KCTD12: variants seen among roughly 807,000 people sequenced by gnomAD.
KCTD12 encodes the protein potassium channel tetramerization domain containing 12, also known as BTB/POZ domain-containing protein KCTD12.
KCTD12 carries 16 observed loss-of-function variants against 22.6 expected under a neutral mutation model. The ratio of observed to expected loss-of-function variants is 0.71; its 90% CI spans 0.48 to 1.07. The LOEUF is 1.07. Among genes scored for constraint, KCTD12 ranks in the 50% least tolerant of loss-of-function variants. KCTD12 has a pLI of 0.00. For synonymous variants in KCTD12, 260 were observed against 228.0 expected (o/e 1.14, Z -1.26); for missense variants, 452 against 469.2 (o/e 0.96, Z 0.34).
rs2033242963 is a variant in KCTD12, at chr13:76,884,830, C to A, written c.*341G>T. 7.1e-6 allele frequency: 2 copies of A among 281,776 alleles called. No individual in the cohort carries two copies. The highest frequency in any genetic ancestry group is 6.8e-6 in the Non-Finnish European group (1 of 146,788). The allele number at this position is 281,776 out of a possible 1,614,324, so 17.5% of individuals were successfully genotyped here. On this transcript the variant is annotated 3_prime_UTR_variant, in exon 1 of 1. Coordinates refer to ENST00000377474, the MANE Select transcript of KCTD12 (RefSeq NM_138444.4). ...AATTCAATCATCCCCCGGTCTGTGG[C>A]CACACTCCCCCAATAGATCCAAACT...
rs779402541 is a variant in KCTD12, at chr13:76,885,249, G to A, written c.900C>T (p.Cys300=). The stretch of plus-strand genomic sequence containing the variant: ...TCTGGTCGGTGCTGCTGGCAAAGGC[G>A]CAGGTGCCCGTGGAGCTGCACGCCA... ...HMVACSSTGT[C]AFASSTDQSE... is the part of the protein sequence containing the mutation. Residue 300 remains cysteine (C), a synonymous_variant, in exon 1 of 1, where the codon TGC becomes TGT. Transcript: ENST00000377474. This position sits in a 1 kb window ranked among gnomAD's most constrained non-coding sequence, Gnocchi z 5.1. 2.5e-6 allele frequency: 4 copies of A among 1,614,048 alleles called. No homozygotes were observed. The highest frequency in any genetic ancestry group is 3.4e-6 in the Non-Finnish European group (4 of 1,180,002).
rs947328540 is a variant in KCTD12 at position 76,880,720 on chromosome 13, T to C, written c.*4451A>G. The C allele has an allele frequency of 5.2e-5, 8 of 152,630 alleles. No homozygotes were observed. The highest frequency in any genetic ancestry group is 2.6e-4 in the Admixed American group (4 of 15,288). The allele number at this position is 152,630 out of a possible 1,614,324, so 9.5% of individuals were successfully genotyped here. ...AATTGTCATTTGTATTCAATAGTAA[T>C]AGCAAAATTTACCTGCCTATAAAGT... On this transcript the variant is annotated 3_prime_UTR_variant, in exon 1 of 1. Coordinates refer to ENST00000377474, the MANE Select transcript of KCTD12 (RefSeq NM_138444.4).
rs2137702226 is a variant in KCTD12, at chr13:76,884,338, G to A, written c.*833C>T. ...GACCTGAGCAGCCTTGCACTCTTAG[G>A]CGGCAGCGTCCTTTCTCCCTCTTGC... On this transcript the variant is annotated 3_prime_UTR_variant, in exon 1 of 1. Transcript: ENST00000377474. The A allele has an allele frequency of 6.6e-6, 1 of 152,306 alleles. No homozygotes were observed. Among genetic ancestry groups the A allele is most frequent in the South Asian group, 2.1e-4 (1 of 4,820 alleles). 9.4% of individuals were successfully genotyped at this position (152,306 alleles called of 1,614,324 possible). A position where few individuals can be genotyped will look rare whatever the true frequency, so the allele number is the denominator to read the frequency against.
rs781436981 is a variant in KCTD12 at position 76,885,282 on chromosome 13, G to C, written c.867C>G (p.Phe289Leu). The change falls in exon 1 of 1, where the codon TTC (phenylalanine) becomes TTG (leucine). Residue 289 changes from phenylalanine (F) to leucine (L), a missense_variant. Phe to Leu is a conservative substitution (Grantham distance 22). Transcript: ENST00000377474. This position sits in a 1 kb window ranked among gnomAD's most constrained non-coding sequence, Gnocchi z 5.1. ...QAFDKLSESG[F>L]HMVACSSTGT... is the part of the protein sequence containing the mutation. ...CCGTGGAGCTGCACGCCACCATGTGGAAGCCCGACTCGGACAGCTTGTCGA... is the reference window on the plus strand; with the variant it reads ...CCGTGGAGCTGCACGCCACCATGTGCAAGCCCGACTCGGACAGCTTGTCGA... The C allele has an allele frequency of 1.2e-6, 2 of 1,613,936 alleles. No homozygotes were observed. Among genetic ancestry groups the C allele is most frequent in the African/African-American group, 2.7e-5 (2 of 74,930 alleles).
Position 76,886,199 on chromosome 13 carries a change from A to T in KCTD12, c.-51T>A. ...AGTGGCAGGAAGCCGCGCTGCACTC[A>T]GGAGCTGCAACCGCCTTCCCCGGAG... is the stretch of plus-strand genomic sequence containing the variant. On this transcript the variant is annotated 5_prime_UTR_variant, in exon 1 of 1. Coordinates refer to ENST00000377474, the MANE Select transcript of KCTD12 (RefSeq NM_138444.4). The T allele has an allele frequency of 7.1e-7, 1 of 1,399,388 alleles. No homozygotes were observed. 86.7% of individuals were successfully genotyped at this position (1,399,388 alleles called of 1,614,324 possible).
At position 76,885,468 on chromosome 13, in the gene KCTD12, G is replaced by C. The variant is rs776326691; in HGVS notation, c.681C>G (p.Asp227Glu). ...TGCGCGCCACTCGCCGGAACTTGGC[G>C]TCCGCCTGCGCGTCCCGCCCGATGG... ...SYTIGRDAQA[D>E]AKFRRVARIT... Residue 227 changes from aspartate to glutamate, a missense_variant, in exon 1 of 1, where the codon GAC becomes GAG. This residue lies in a region of KCTD12 where 122 missense variants were observed against 172.8 expected (regional missense o/e 0.71). Coordinates refer to ENST00000377474, the MANE Select transcript of KCTD12 (RefSeq NM_138444.4). The surrounding 1 kb of genome is among the most constrained non-coding windows in gnomAD (Gnocchi z 5.1). 6.2e-7 allele frequency: 1 copy of C among 1,609,338 alleles called. No homozygotes were observed. Among genetic ancestry groups the C allele is most frequent in the Non-Finnish European group, 8.5e-7 (1 of 1,179,590 alleles).
In KCTD12 at chr13:76,886,282, GCCGCCACCGCCA is replaced by G; in HGVS notation, c.-146_-135del. 1 of 1,092,660 alleles carries G rather than the reference GCCGCCACCGCCA, an allele frequency of 9.2e-7. No homozygotes were observed. The highest frequency in any genetic ancestry group is 1.2e-6 in the Non-Finnish European group (1 of 848,520). 67.7% of individuals were successfully genotyped at this position (1,092,660 alleles called of 1,614,324 possible). A position where few individuals can be genotyped will look rare whatever the true frequency, so the allele number is the denominator to read the frequency against. On this transcript the variant is annotated 5_prime_UTR_variant, in exon 1 of 1. Transcript: ENST00000377474. ...CCCCGCCGCCGCCGCCGCCGCCACC[GCCGCCACCGCCA>G]CCGCCGCCACCTCCTAGAGCCGCGC...
In KCTD12 at chr13:76,883,038, C is replaced by T. The variant is rs2033221254; in HGVS notation, c.*2133G>A. On this transcript the variant is annotated 3_prime_UTR_variant, in exon 1 of 1. Coordinates refer to ENST00000377474, the MANE Select transcript of KCTD12 (RefSeq NM_138444.4). ...TACAATTATGTATTTTTTCCTAACC[C>T]AATTCCTCGATAAGGATGTAAGAAA... is the stretch of plus-strand genomic sequence containing the variant. 2 of 152,136 alleles carry T rather than the reference C, an allele frequency of 1.3e-5. No homozygotes were observed. The highest frequency in any genetic ancestry group is 4.1e-4 in the South Asian group (2 of 4,832). The allele number at this position is 152,136 out of a possible 1,614,324, so 9.4% of individuals were successfully genotyped here. A position where few individuals can be genotyped will look rare whatever the true frequency, so the allele number is the denominator to read the frequency against.
Position 76,885,325 on chromosome 13 carries a change from T to C in KCTD12, c.824A>G (p.Asn275Ser). 1 of 1,613,906 alleles carries C rather than the reference T, an allele frequency of 6.2e-7. No homozygotes were observed. Among genetic ancestry groups the C allele is most frequent in the Non-Finnish European group, 8.5e-7 (1 of 1,179,952 alleles). ...RYTSRYYLKFNFLEQAFDKLS... is the reference protein window; with the variant it reads ...RYTSRYYLKFSFLEQAFDKLS... ...CTTGTCGAAGGCCTGCTCCAGGAAG[T>C]TGAACTTGAGGTAATAGCGCGAGGT... The change falls in exon 1 of 1, where the codon AAC becomes AGC. Residue 275 changes from asparagine to serine, a missense_variant. Physicochemically the swap from Asn to Ser is conservative, Grantham distance 46. Coordinates refer to ENST00000377474, the MANE Select transcript of KCTD12 (RefSeq NM_138444.4). The surrounding 1 kb of genome is among the most constrained non-coding windows in gnomAD (Gnocchi z 5.1).
rs1364308738 is a variant in KCTD12 at position 76,880,264 on chromosome 13, G to T, written c.*4907C>A. 1.3e-5 allele frequency: 2 copies of T among 152,626 alleles called. No individual in the cohort carries two copies. The highest frequency in any genetic ancestry group is 3.8e-4 in the East Asian group (2 of 5,200). The allele number at this position is 152,626 out of a possible 1,614,324, so 9.5% of individuals were successfully genotyped here. A position where few individuals can be genotyped will look rare whatever the true frequency, so the allele number is the denominator to read the frequency against. On this transcript the variant is annotated 3_prime_UTR_variant, in exon 1 of 1. Coordinates refer to ENST00000377474, the MANE Select transcript of KCTD12 (RefSeq NM_138444.4). ...GATTCATTACTTCACACACAGGAAG[G>T]AAAACAGTAGCTAGTATTTCTGTTA...
Position 76,883,350 on chromosome 13 carries a change from G to C in KCTD12, c.*1821C>G, listed in dbSNP as rs1001317083. 6.6e-6 allele frequency: 1 copy of C among 152,438 alleles called. No homozygotes were observed. The highest frequency in any genetic ancestry group is 1.5e-5 in the Non-Finnish European group (1 of 68,008). 9.4% of individuals were successfully genotyped at this position (152,438 alleles called of 1,614,324 possible). Reference sequence around the variant, plus strand: ...CAGCTCTTACAAAATCCTTAAAAACGTACATCAGAGAAAGATGCTGAAAAC... The same window carrying C: ...CAGCTCTTACAAAATCCTTAAAAACCTACATCAGAGAAAGATGCTGAAAAC... On this transcript the variant is annotated 3_prime_UTR_variant, in exon 1 of 1. Transcript: ENST00000377474.
Position 76,885,944 on chromosome 13 carries a change from G to C in KCTD12, c.205C>G (p.Pro69Ala). ...TTGCTGTCCCGGGCCAGCTCCTGCG[G>C]CTGCTGCTGCGTGAACATGCGCCAG... The part of the protein sequence containing the change: ...LLWRMFTQQQ[P>A]QELARDSKGR... The change falls in exon 1 of 1, where the codon CCG becomes GCG. Residue 69 changes from proline (P) to alanine (A), a missense_variant. This residue lies in a region of KCTD12 where 330 missense variants were observed against 296.5 expected (regional missense o/e 1.11). Coordinates refer to ENST00000377474, the MANE Select transcript of KCTD12 (RefSeq NM_138444.4). This position sits in a 1 kb window ranked among gnomAD's most constrained non-coding sequence, Gnocchi z 5.1. 1.3e-6 allele frequency: 2 copies of C among 1,591,058 alleles called. No homozygotes were observed. The highest frequency in any genetic ancestry group is 1.7e-6 in the Non-Finnish European group (2 of 1,176,388).
At position 76,882,649 on chromosome 13, in the gene KCTD12, G is replaced by A. The variant is rs1166835259; in HGVS notation, c.*2522C>T. The A allele has an allele frequency of 2.0e-5, 3 of 152,172 alleles. No homozygotes were observed. The highest frequency in any genetic ancestry group is 4.8e-5 in the African/African-American group (2 of 41,430). The allele number at this position is 152,172 out of a possible 1,614,324, so 9.4% of individuals were successfully genotyped here. ...ACAATCTAACAAAATACCATACGGG[G>A]TAGAGAAATCTCTGCAACACTGACT... On this transcript the variant is annotated 3_prime_UTR_variant, in exon 1 of 1. Coordinates refer to ENST00000377474, the MANE Select transcript of KCTD12 (RefSeq NM_138444.4).
rs559408090 is a variant in KCTD12 at position 76,882,576 on chromosome 13, T to C, written c.*2595A>G. The C allele has an allele frequency of 5.3e-5, 8 of 152,238 alleles. No homozygotes were observed. The highest frequency in any genetic ancestry group is 1.0e-4 in the Non-Finnish European group (7 of 68,042). The allele number at this position is 152,238 out of a possible 1,614,324, so 9.4% of individuals were successfully genotyped here. ...ATCGCCGAGCCTTGCCATCTGTCAG[T>C]GGTTTTGGTCTGTCCCAAGATGTTC... On this transcript the variant is annotated 3_prime_UTR_variant, in exon 1 of 1. Coordinates refer to ENST00000377474, the MANE Select transcript of KCTD12 (RefSeq NM_138444.4).
rs1014346173 is a variant in KCTD12, at chr13:76,880,760, T to C, written c.*4411A>G. The C allele has an allele frequency of 6.6e-6, 1 of 152,400 alleles. No individual in the cohort carries two copies. The highest frequency in any genetic ancestry group is 1.5e-5 in the Non-Finnish European group (1 of 68,010). 9.4% of individuals were successfully genotyped at this position (152,400 alleles called of 1,614,324 possible). On this transcript the variant is annotated 3_prime_UTR_variant, in exon 1 of 1. Transcript: ENST00000377474. ...GCCTATAAAGTCGCAAAAACAGTTG[T>C]ATAATAGTTTACATTACAATTAATG...
At position 76,885,017 on chromosome 13, in the gene KCTD12, G is replaced by C. The variant is rs568045708; in HGVS notation, c.*154C>G. 5.2e-6 allele frequency: 4 copies of C among 776,182 alleles called. No homozygotes were observed. In the African/African-American group the frequency reaches 6.9e-5, roughly 13 times the overall value. The allele number at this position is 776,182 out of a possible 1,614,324, so 48.1% of individuals were successfully genotyped here. A position where few individuals can be genotyped will look rare whatever the true frequency, so the allele number is the denominator to read the frequency against. ...TTGCGGCTGCAGGTTCTGTAGTGGAGGGAAGGTGGGCGGACAGGTCTCACC... is the reference window on the plus strand; with the variant it reads ...TTGCGGCTGCAGGTTCTGTAGTGGACGGAAGGTGGGCGGACAGGTCTCACC... On this transcript the variant is annotated 3_prime_UTR_variant, in exon 1 of 1. Coordinates refer to ENST00000377474, the MANE Select transcript of KCTD12 (RefSeq NM_138444.4). This position sits in a 1 kb window ranked among gnomAD's most constrained non-coding sequence, Gnocchi z 5.1.
rs572053622 is a variant in KCTD12, at chr13:76,881,998, T to C, written c.*3173A>G. On this transcript the variant is annotated 3_prime_UTR_variant, in exon 1 of 1. Transcript: ENST00000377474. The stretch of plus-strand genomic sequence containing the variant: ...AATCAGATTCATGCAGTGTTAATTA[T>C]CTGAATAATTTATGACATTCTCCCA... The C allele has an allele frequency of 1.3e-5, 2 of 152,342 alleles. No homozygotes were observed. The highest frequency in any genetic ancestry group is 3.9e-4 in the East Asian group (2 of 5,178). 9.4% of individuals were successfully genotyped at this position (152,342 alleles called of 1,614,324 possible).
At position 76,881,195 on chromosome 13, in the gene KCTD12, C is replaced by T. The variant is rs930671786; in HGVS notation, c.*3976G>A. 5.3e-5 allele frequency: 8 copies of T among 151,984 alleles called. No individual in the cohort carries two copies. The highest frequency in any genetic ancestry group is 1.9e-4 in the African/African-American group (8 of 41,374). The allele number at this position is 151,984 out of a possible 1,614,324, so 9.4% of individuals were successfully genotyped here. ...GGAAAAACAGGAAAACAATTCCAAA[C>T]GAAGGATTGACTCTGATAGGCTTAC... is the stretch of plus-strand genomic sequence containing the variant. On this transcript the variant is annotated 3_prime_UTR_variant, in exon 1 of 1. Transcript: ENST00000377474.
At position 76,886,023 on chromosome 13, in the gene KCTD12, G is replaced by T; in HGVS notation, c.126C>A (p.Gly42=). The T allele has an allele frequency of 6.3e-7, 1 of 1,589,438 alleles. No individual in the cohort carries two copies. Among genetic ancestry groups the T allele is most frequent in the Non-Finnish European group, 8.5e-7 (1 of 1,172,326 alleles). Residue 42 remains glycine (G), a synonymous_variant, in exon 1 of 1, where the codon GGC becomes GGA. Coordinates refer to ENST00000377474, the MANE Select transcript of KCTD12 (RefSeq NM_138444.4). Reference sequence around the variant, plus strand: ...TGCAGCGCCGGGTCACGTACACCTGGCCCCCCACGTTCAGCTCCACGATGT... The same window carrying T: ...TGCAGCGCCGGGTCACGTACACCTGTCCCCCCACGTTCAGCTCCACGATGT... ...FPDIVELNVG[G]QVYVTRRCTV...
Sources: allele counts gnomAD v4.1 joint callset, GRCh38; gene constraint gnomAD v4.1.1; regional missense constraint gnomAD v4.1.1; non-coding constraint Gnocchi (gnomAD v3.1); transcripts MANE v1.5; gene names NCBI Gene and HGNC (gene_info 2026-07-23, HGNC 2026-07-21).